FIGN: variants seen among roughly 807,000 people sequenced by gnomAD.
FIGN encodes fidgetin.
A neutral mutation model predicts 51.3 loss-of-function variants in FIGN; 11 were observed. The ratio of observed to expected loss-of-function variants is 0.21; its 90% CI spans 0.13 to 0.35. The LOEUF is 0.35. FIGN is among the 10% of genes least tolerant of loss of function. FIGN has a pLI of 1.00. For synonymous variants in FIGN, 407 were observed against 363.2 expected, an observed-to-expected ratio of 1.12 and a Z score of -1.37; for missense variants, 857 against 943.6, an observed-to-expected ratio of 0.91 and a Z score of 1.20.
intron 2 of FIGN, among the ~76,000 whole-genome samples, chr2:163,734,066 G>T (rs1351661568): frequency 1.3e-5 from 2 of 151,250 alleles, no homozygotes; most frequent in African/African-American, 2.4e-5. Context: ...TGTACACAGG[G>T]CACTGCCACA....
chr2:163,715,511 C>T (rs1285743246), intron 2 of FIGN, among the ~76,000 whole-genome samples: 1 of 152,178 alleles, frequency 6.6e-6, no homozygotes, highest in East Asian at 1.9e-4. Flanking sequence ...AGCCACCCTG[C>T]TTCACTCCAG....
intron 2 of FIGN, among the ~76,000 whole-genome samples, chr2:163,616,412 C>T (rs1351978946): frequency 6.6e-6 from 1 of 152,188 alleles, no homozygotes; most frequent in Non-Finnish European, 1.5e-5. Flanking sequence ...CACTACCCAA[C>T]CCACTCCTTA....
At chr2:163,734,824 T>C in intron 2 of FIGN, 79 bp downstream of exon 2, 3 of 1,351,950 alleles carry the variant, frequency 2.2e-6, no homozygotes, top group Non-Finnish European at 3.1e-6. Context: ...TGCCAGGCAG[T>C]CTTCAATGGT....
At chr2:163,707,829 A>G (rs1405391387) in intron 2 of FIGN, among the ~76,000 whole-genome samples, 1 of 152,144 alleles carries the variant, frequency 6.6e-6, no homozygotes, top group Non-Finnish European at 1.5e-5. Flanking sequence ...TAGGAAAAAT[A>G]CATATTTAAC....
chr2:163,698,843 T>C (rs1389085028), intron 2 of FIGN, among the ~76,000 whole-genome samples: 1 of 152,152 alleles, frequency 6.6e-6, no homozygotes, highest in African/African-American at 2.4e-5. Flanking sequence ...ATTTCAGATG[T>C]TTTAAGTTCC....
chr2:163,650,045 T>C (rs574230521), intron 2 of FIGN, among the ~76,000 whole-genome samples: 2 of 152,220 alleles, frequency 1.3e-5, no homozygotes, highest in African/African-American at 4.8e-5. Context: ...TTGGAGACTA[T>C]GCAGAGGGCA....
chr2:163,720,272 T>C (rs1238219810), intron 2 of FIGN, among the ~76,000 whole-genome samples: 1 of 152,190 alleles, frequency 6.6e-6, no homozygotes, highest in Admixed American at 6.5e-5. Flanking sequence ...TTGTACAAAA[T>C]CTTGTGAAAG....
chr2:163,610,640 C>G lies in FIGN; in HGVS notation c.1192G>C (p.Ala398Pro). The G allele has an allele frequency of 6.2e-7, 1 of 1,614,162 alleles. No individual in the cohort carries two copies. Among genetic ancestry groups the G allele is most frequent in the Non-Finnish European group, 8.5e-7 (1 of 1,180,022 alleles). ...QRKFSSQSSR[A>P]LTPPSYSTAK... is the part of the protein sequence containing the mutation. ...GTACTGTAGGAAGGAGGGGTCAGAG[C>G]CCTACTGGACTGGCTGCTGAATTTC... is the stretch of plus-strand genomic sequence containing the variant. The change falls in exon 3 of 3, where the codon GCT (alanine) becomes CCT (proline). Residue 398 changes from alanine (A) to proline (P), a missense_variant. This residue lies in a region of FIGN where 799 missense variants were observed against 849.5 expected (regional missense o/e 0.94). Coordinates refer to ENST00000333129, the MANE Select transcript of FIGN (RefSeq NM_018086.4).
chr2:163,677,018 C>A (rs1445985693), intron 2 of FIGN, among the ~76,000 whole-genome samples: 1 of 152,120 alleles, frequency 6.6e-6, no homozygotes, highest in Admixed American at 6.6e-5. Flanking sequence ...CAGTGTCACC[C>A]ACTCTGCTTA....
At chr2:163,639,901 T>G (rs1022430437) in intron 2 of FIGN, among the ~76,000 whole-genome samples, 3 of 152,190 alleles carry the variant, frequency 2.0e-5, no homozygotes, top group African/African-American at 7.2e-5. Context: ...TAAGTAGATA[T>G]ATACATGAAT....
rs373434022 is a variant in FIGN, at chr2:163,666,539, C to A, written c.26-54733G>T. ...CAATATTAATTTACTGCATTACTTT[C>A]AACAAACCAAACTCTCTGGACCTCT... On this transcript the variant is annotated intron_variant, in intron 2 of 2. Transcript: ENST00000333129. Among the ~76,000 whole-genome samples, 60 of 152,230 alleles carry A rather than the reference C, an allele frequency of 3.9e-4. 1 individual carries two copies. The South Asian group carries it at 0.012, about 31-fold the overall frequency.
Position 163,611,393 on chromosome 2 carries a change from T to C in FIGN, c.439A>G (p.Ser147Gly). The C allele has an allele frequency of 6.2e-7, 1 of 1,614,166 alleles. No individual in the cohort carries two copies. Among genetic ancestry groups the C allele is most frequent in the Non-Finnish European group, 8.5e-7 (1 of 1,180,012 alleles). Residue 147 changes from serine to glycine, a missense_variant, in exon 3 of 3, where the codon AGT (serine) becomes GGT (glycine). Physicochemically the swap from Ser to Gly is moderately conservative, Grantham distance 56. Around this residue, in one of 3 missense-constraint regions of FIGN, gnomAD observed 799 missense variants for 849.5 expected, o/e 0.94. Coordinates refer to ENST00000333129, the MANE Select transcript of FIGN (RefSeq NM_018086.4). Reference sequence around the variant, plus strand: ...GCTACCCCAGGAGAGCTTCCTATACTCGCAGAGACATCTGCTGGAGGGAGG... The same window carrying C: ...GCTACCCCAGGAGAGCTTCCTATACCCGCAGAGACATCTGCTGGAGGGAGG... ...SALPPADVSA[S>G]IGSSPGVASN...
At position 163,721,587 on chromosome 2, in the gene FIGN, AC is replaced by A. The variant is rs201979181; in HGVS notation, c.25+13315del. Among the ~76,000 whole-genome samples, 1,333 of 152,306 alleles carry A rather than the reference AC, an allele frequency of 8.8e-3. 22 individuals carry two copies. Among genetic ancestry groups the A allele is most frequent in the African/African-American group, 0.031 (1,276 of 41,576 alleles). On this transcript the variant is annotated intron_variant, in intron 2 of 2. Coordinates refer to ENST00000333129, the MANE Select transcript of FIGN (RefSeq NM_018086.4). ...AAGATGCAGTGTTTTTATACAATTA[AC>A]TAAGCAACATTTGTCCATTATAGCT...
chr2:163,713,112 G>A (rs1489531118), intron 2 of FIGN, among the ~76,000 whole-genome samples: 1 of 152,192 alleles, frequency 6.6e-6, no homozygotes, highest in East Asian at 1.9e-4. Context: ...TCTTATTTAA[G>A]TGATATTACA....
intron 2 of FIGN, among the ~76,000 whole-genome samples, chr2:163,634,086 A>ATGTG (rs1553495148): frequency 3.9e-5 from 4 of 101,568 alleles, no homozygotes; most frequent in East Asian, 3.4e-4. Context: ...GTACGTATGT[A>ATGTG]TGCGTGTGTG....
At chr2:163,664,809 A>T (rs1335343080) in intron 2 of FIGN, among the ~76,000 whole-genome samples, 2 of 152,212 alleles carry the variant, frequency 1.3e-5, no homozygotes, top group African/African-American at 4.8e-5. Flanking sequence ...CTTCAAATGA[A>T]TTTGCTATTT....
At position 163,657,534 on chromosome 2, in the gene FIGN, A is replaced by G. The variant is rs1323328481; in HGVS notation, c.26-45728T>C. ...TGTGTGTGTGTGTGTGTGTGTGTGC[A>G]TGCACATGAGTATGTTTGGGTAGAG... On this transcript the variant is annotated intron_variant, in intron 2 of 2. Transcript: ENST00000333129. Among the ~76,000 whole-genome samples, 6 of 96,042 alleles carry G rather than the reference A, an allele frequency of 6.2e-5. No individual in the cohort carries two copies. The East Asian group carries it at 1.4e-3, about 22-fold the overall frequency. The allele number at this position is 96,042 out of a possible 152,430, so 63.0% of individuals were successfully genotyped here. A position where few individuals can be genotyped will look rare whatever the true frequency, so the allele number is the denominator to read the frequency against.
intron 2 of FIGN, among the ~76,000 whole-genome samples, chr2:163,705,794 G>A (rs887724926): frequency 5.3e-5 from 8 of 151,840 alleles, no homozygotes; most frequent in Non-Finnish European, 1.0e-4. Context: ...TAGGCACACT[G>A]TATACATGTT....
At chr2:163,629,155 C>T (rs1219324570) in intron 2 of FIGN, among the ~76,000 whole-genome samples, 3 of 151,828 alleles carry the variant, frequency 2.0e-5, no homozygotes, top group Non-Finnish European at 2.9e-5. Context: ...TAAAACTCTT[C>T]GGTTATACAA....
Sources: allele counts gnomAD v4.1 joint callset (sites outside exome capture counted in the v4.1 genomes callset), GRCh38; gene constraint gnomAD v4.1.1; regional missense constraint gnomAD v4.1.1; transcripts MANE v1.5; gene names NCBI Gene and HGNC (gene_info 2026-07-23, HGNC 2026-07-21).